The following GHDC variants were observed in gnomAD, a reference collection of about 807,000 sequenced individuals.
The protein encoded by GHDC is GH3 domain-containing protein.
In GHDC, 39 loss-of-function variants were observed where a neutral mutation model predicts 51.5. The observed-to-expected ratio is 0.76, with a 90% CI of 0.59 to 0.99. The LOEUF (loss-of-function observed/expected upper bound fraction) is 0.99. Ranked by LOEUF, GHDC falls within the 50% of genes least tolerant of loss-of-function variation. GHDC has a pLI of 0.00. For missense variants in GHDC, 610 were observed against 672.8 expected (o/e 0.91, Z 1.03); for synonymous variants, 282 against 305.2 (o/e 0.92, Z 0.79).
rs2079956874 is a variant in GHDC, at chr17:42,190,203, T to C, written c.1356A>G (p.Ser452=). Reference sequence around the variant, plus strand: ...CCTTTACCTTGTCTCGATTTTCCTCTGACAGATTCCTCAGCCCCCTCAGCG... The same window carrying C: ...CCTTTACCTTGTCTCGATTTTCCTCCGACAGATTCCTCAGCCCCCTCAGCG... ...FVALRGLRNL[S]EENRDKLDHC... Residue 452 remains serine, a synonymous_variant, in exon 9 of 10, where the codon TCA becomes TCG. Coordinates refer to ENST00000587427, the MANE Select transcript of GHDC (RefSeq NM_032484.5). 1.2e-6 allele frequency: 2 copies of C among 1,614,032 alleles called. No individual in the cohort carries two copies. The highest frequency in any genetic ancestry group is 1.3e-5 in the African/African-American group (1 of 75,018).
rs1017070986 is a variant in GHDC at position 42,189,461 on chromosome 17, G to A, written c.*242C>T. ...GTGTGCATGGTAACTCTCTAGCAGT[G>A]TCCTTCATGCCGGGACATGGGGACA... On this transcript the variant is annotated 3_prime_UTR_variant, in exon 10 of 10. Coordinates refer to ENST00000587427, the MANE Select transcript of GHDC (RefSeq NM_032484.5). 4.8e-6 allele frequency: 2 copies of A among 413,778 alleles called. No individual in the cohort carries two copies. Among genetic ancestry groups the A allele is most frequent in the African/African-American group, 4.1e-5 (2 of 48,842 alleles). The allele number at this position is 413,778 out of a possible 1,614,324, so 25.6% of individuals were successfully genotyped here. A position where few individuals can be genotyped will look rare whatever the true frequency, so the allele number is the denominator to read the frequency against.
chr17:42,193,741 T>C, intron 2 of GHDC, 26 bp downstream of exon 2: 1 of 1,026,990 alleles, frequency 9.7e-7, no homozygotes, highest in African/African-American at 1.6e-5. Flanking sequence ...AAGGAGAGAC[T>C]ATCAAAGCTT....
At chr17:42,190,002 A>C in intron 9 of GHDC, 81 bp from the exon 10 acceptor site, 1 of 1,365,154 alleles carries the variant, frequency 7.3e-7, no homozygotes, top group Non-Finnish European at 9.9e-7. Flanking sequence ...CCCAGGCTAC[A>C]TGTGTTTAGA....
Position 42,191,010 on chromosome 17 carries a change from C to A in GHDC, c.1082+8G>T. The stretch of plus-strand genomic sequence containing the variant: ...GCCCCAGGTAGCAGGGGCTGTGCAG[C>A]TGATCACCTGGTGAGGCTGGCGCGG... On this transcript the variant is annotated splice_region_variant and intron_variant, in intron 6 of 9. Transcript: ENST00000587427. 1 of 1,568,288 alleles carries A rather than the reference C, an allele frequency of 6.4e-7. No individual in the cohort carries two copies. The highest frequency in any genetic ancestry group is 1.2e-5 in the South Asian group (1 of 84,414).
At position 42,194,178 on chromosome 17, in the gene GHDC, C is replaced by CA. The variant is rs112866882; in HGVS notation, c.-98+214dup. On this transcript the variant is annotated intron_variant, in intron 1 of 9. Transcript: ENST00000587427. Reference sequence around the variant, plus strand: ...CTTGGGCAACAGAGTGAGACCCTGTCAAAAAAAAAAAGAAAAGAAAAAAAA... The same window carrying CA: ...CTTGGGCAACAGAGTGAGACCCTGTCAAAAAAAAAAAAGAAAAGAAAAAAAA... The CA allele has an allele frequency of 3.3e-3, 368 of 112,406 alleles. 3 individuals carry two copies. Among genetic ancestry groups the CA allele is most frequent in the African/African-American group, 5.7e-3 (182 of 31,788 alleles). 7.0% of individuals were successfully genotyped at this position (112,406 alleles called of 1,614,324 possible).
At position 42,193,591 on chromosome 17, in the gene GHDC, G is replaced by A. The variant is rs1188450297; in HGVS notation, c.-10C>T. 3.9e-6 allele frequency: 6 copies of A among 1,529,596 alleles called. No individual in the cohort carries two copies. In the East Asian group the frequency reaches 9.8e-5, roughly 25 times the overall value. 94.8% of individuals were successfully genotyped at this position (1,529,596 alleles called of 1,614,324 possible). A position where few individuals can be genotyped will look rare whatever the true frequency, so the allele number is the denominator to read the frequency against. On this transcript the variant is annotated 5_prime_UTR_variant, in exon 3 of 10. Transcript: ENST00000587427. Reference sequence around the variant, plus strand: ...GTGGCCACAGCAGCATCTCCAAGCAGCTCCTGGGAAGAGGAAGGAACCGAG... The same window carrying A: ...GTGGCCACAGCAGCATCTCCAAGCAACTCCTGGGAAGAGGAAGGAACCGAG...
Position 42,190,677 on chromosome 17 carries a change from T to G in GHDC, c.1235A>C (p.Gln412Pro). 1.2e-6 allele frequency: 2 copies of G among 1,613,840 alleles called. No homozygotes were observed. Among genetic ancestry groups the G allele is most frequent in the Non-Finnish European group, 1.7e-6 (2 of 1,179,976 alleles). Residue 412 changes from glutamine to proline, a missense_variant, in exon 8 of 10, where the codon CAG (glutamine) becomes CCG (proline). By Grantham distance (76) the Gln-to-Pro change is moderately conservative. Transcript: ENST00000587427. ...GTCCAGCAGCTTGGCCCCCGCCCAC[T>G]GCCCCACTGCCCGGCCCAGGGCCTC... ...FSEALGRAVGQWAGAKLLDHG... is the reference protein window; with the variant it reads ...FSEALGRAVGPWAGAKLLDHG...
chr17:42,194,094 T>A (rs2079990554), intron 1 of GHDC: 1 of 151,544 alleles, frequency 6.6e-6, no homozygotes, highest in African/African-American at 2.5e-5. Context: ...GATGGGAGGA[T>A]CCCTTGAGCC....
Position 42,192,960 on chromosome 17 carries a change from T to C in GHDC, c.333A>G (p.Gly111=). ...KASQTQQEDS[G]EQPLPPTSNQ... ...TTGAGGTCGGGGGCAGTGGCTGCTC[T>C]CCACTGTCTTCCTGCTGGGTCTGGC... is the stretch of plus-strand genomic sequence containing the variant. Residue 111 remains glycine, a synonymous_variant, in exon 4 of 10, where the codon GGA becomes GGG. Transcript: ENST00000587427. 1 of 1,614,042 alleles carries C rather than the reference T, an allele frequency of 6.2e-7. No individual in the cohort carries two copies. Among genetic ancestry groups the C allele is most frequent in the Non-Finnish European group, 8.5e-7 (1 of 1,179,968 alleles).
At position 42,189,658 on chromosome 17, in the gene GHDC, C is replaced by T. The variant is rs566800716; in HGVS notation, c.*45G>A. On this transcript the variant is annotated 3_prime_UTR_variant, in exon 10 of 10. Transcript: ENST00000587427. ...TCCGGAGAGGTCCCAGAGGGAGGGG[C>T]GAGGTGGCCTCTGGGGGGAGCTGGG... The T allele has an allele frequency of 2.8e-5, 29 of 1,028,200 alleles. No individual in the cohort carries two copies. The highest frequency in any genetic ancestry group is 5.8e-5 in the South Asian group (3 of 51,656). The allele number at this position is 1,028,200 out of a possible 1,614,324, so 63.7% of individuals were successfully genotyped here.
intron 8 of GHDC, 92 bp downstream of exon 8, chr17:42,190,532 G>A: frequency 6.8e-7 from 1 of 1,472,146 alleles, no homozygotes; most frequent in Non-Finnish European, 9.1e-7. Flanking sequence ...AGTAAAGGAG[G>A]CTTATCTCTT....
intron 9 of GHDC, 121 bp from the exon 10 acceptor site, chr17:42,190,042 G>A (rs1276185931): frequency 1.5e-6 from 2 of 1,345,930 alleles, no homozygotes; most frequent in African/African-American, 1.5e-5. Context: ...TGTGTCTGTG[G>A]GACTTAGCCC....
rs2079954701 is a variant in GHDC at position 42,189,894 on chromosome 17, G to T, written c.1402C>A (p.Pro468Thr). 2.6e-6 allele frequency: 4 copies of T among 1,547,398 alleles called. No individual in the cohort carries two copies. The highest frequency in any genetic ancestry group is 1.4e-5 in the African/African-American group (1 of 73,002). ...KLDHCLQEASPRYKSLRFWGS... is the reference protein window; with the variant it reads ...KLDHCLQEASTRYKSLRFWGS... ...CAGAACCGCAGGGACTTGTAGCGGG[G>T]AGAGGCTTCCTGAAGGCAGTGGTCC... is the stretch of plus-strand genomic sequence containing the variant. Residue 468 changes from proline (P) to threonine (T), a missense_variant, in exon 10 of 10, where the codon CCC becomes ACC. By Grantham distance (38) the Pro-to-Thr change is conservative. This residue lies in a region of GHDC where 412 missense variants were observed against 410.4 expected (regional missense o/e 1.00). Coordinates refer to ENST00000587427, the MANE Select transcript of GHDC (RefSeq NM_032484.5).
rs956776571 is a variant in GHDC at position 42,189,716 on chromosome 17, C to G, written c.1580G>C (p.Arg527Thr). Residue 527 changes from arginine (R) to threonine (T), a missense_variant, in exon 10 of 10, where the codon AGG becomes ACG. Physicochemically the swap from Arg to Thr is moderately conservative, Grantham distance 71. Transcript: ENST00000587427. ...HRHLAQCLQE[R>T]VVS is the part of the protein sequence containing the mutation. ...GCAGGACTTGACTCAGGACACCACC[C>G]TCTCCTGCAGACACTGGGCCAGGTG... The G allele has an allele frequency of 4.1e-5, 60 of 1,472,366 alleles. No individual in the cohort carries two copies. The highest frequency in any genetic ancestry group is 5.2e-5 in the Non-Finnish European group (58 of 1,111,154). 91.2% of individuals were successfully genotyped at this position (1,472,366 alleles called of 1,614,324 possible).
Position 42,192,388 on chromosome 17 carries a change from G to T in GHDC, c.742C>A (p.Pro248Thr). Residue 248 changes from proline (P) to threonine (T), a missense_variant, in exon 5 of 10, where the codon CCA becomes ACA. By Grantham distance (38) the Pro-to-Thr change is conservative (BLOSUM62 -1). Coordinates refer to ENST00000587427, the MANE Select transcript of GHDC (RefSeq NM_032484.5). ...AELREALEQG[P>T]RGLALRLWPK... ...CAGAGCCGAAGGGCCAGTCCCCGTG[G>T]CCCCTGCTCTAGGGCCTCCCGGAGC... The T allele has an allele frequency of 1.2e-6, 2 of 1,612,866 alleles. No homozygotes were observed. The highest frequency in any genetic ancestry group is 1.7e-4 in the Middle Eastern group (1 of 6,058).
At chr17:42,192,111 G>A in intron 5 of GHDC, 130 bp downstream of exon 5, 1 of 1,208,804 alleles carries the variant, frequency 8.3e-7, no homozygotes, top group Non-Finnish European at 1.1e-6. Context: ...GTAAAAGGAG[G>A]CTGCTGGCCC....
chr17:42,193,899 T>C, intron 1 of GHDC, 49 bp from the exon 2 acceptor site: 1 of 365,630 alleles, frequency 2.7e-6, no homozygotes. Context: ...AAGGTAGGGG[T>C]GGGCCGGGTG....
rs770286745 is a variant in GHDC at position 42,189,835 on chromosome 17, C to T, written c.1461G>A (p.Val487=). Residue 487 remains valine, a synonymous_variant, in exon 10 of 10, where the codon GTG becomes GTA. Coordinates refer to ENST00000587427, the MANE Select transcript of GHDC (RefSeq NM_032484.5). ...GGAGTGCTCGGAAGGCTCCCTGCCC[C>T]ACCAGGTGGACTCTGGCAGGGCCCA... is the stretch of plus-strand genomic sequence containing the variant. ...GSVGPARVHL[V]GQGAFRALRA... 63 of 1,560,482 alleles carry T rather than the reference C, an allele frequency of 4.0e-5. No homozygotes were observed. Among genetic ancestry groups the T allele is most frequent in the Non-Finnish European group, 5.3e-5 (61 of 1,153,454 alleles).
intron 5 of GHDC, among the ~76,000 whole-genome samples, chr17:42,191,764 T>TC (rs1170859309): frequency 7.2e-6 from 1 of 138,074 alleles, no homozygotes; most frequent in African/African-American, 2.8e-5. Context: ...CGGCCTTTTT[T>TC]TTTTTTTTTT....
Sources: allele counts gnomAD v4.1 joint callset (sites outside exome capture counted in the v4.1 genomes callset), GRCh38; gene constraint gnomAD v4.1.1; regional missense constraint gnomAD v4.1.1; transcripts MANE v1.5; gene names NCBI Gene and HGNC (gene_info 2026-07-23, HGNC 2026-07-21).